Variants in MCTP1 observed in about 807,000 individuals in gnomAD.
MCTP1 encodes the protein multiple C2 and transmembrane domain-containing protein 1.
MCTP1 carries 69 observed loss-of-function variants against 120.6 expected under a neutral mutation model. That is an observed-to-expected ratio of 0.57 (90% CI 0.47 to 0.70). The LOEUF is 0.70. Among genes scored for constraint, MCTP1 ranks in the 30% least tolerant of loss-of-function variants. The pLI, the probability that MCTP1 is intolerant of heterozygous loss-of-function variation, is 0.00. For missense variants in MCTP1, 1,203 were observed against 1,248.8 expected, an observed-to-expected ratio of 0.96 and a Z score of 0.55; for synonymous variants, 529 against 493.1, an observed-to-expected ratio of 1.07 and a Z score of -0.96.
In MCTP1 at chr5:94,848,771, C is replaced by T. The variant is rs1793044826; in HGVS notation, c.2436+19562G>A. On this transcript the variant is annotated intron_variant, in intron 17 of 22. Coordinates refer to ENST00000515393, the MANE Select transcript of MCTP1 (RefSeq NM_024717.7). The stretch of plus-strand genomic sequence containing the variant: ...GCTAATTTATTGGCAATAAATAAAA[C>T]ACTTTATTTTACAATTAAATAATTT... Among the ~76,000 whole-genome samples, 4 of 151,666 alleles carry T rather than the reference C, an allele frequency of 2.6e-5. 1 individual carries two copies. In the South Asian group the frequency reaches 8.3e-4, roughly 32 times the overall value.
intron 1 of MCTP1, among the ~76,000 whole-genome samples, chr5:95,150,917 C>T (rs898918229): frequency 6.6e-5 from 10 of 151,900 alleles, no homozygotes; most frequent in East Asian, 3.9e-4. Context: ...AGTCAATAAA[C>T]GCATATGTTG....
intron 2 of MCTP1, among the ~76,000 whole-genome samples, chr5:95,016,189 T>A (rs1026723410): frequency 1.3e-5 from 2 of 152,048 alleles, no homozygotes; most frequent in South Asian, 4.1e-4. Context: ...AAACTTTTTT[T>A]AATGTTTTGT....
At chr5:94,840,136 T>C (rs1580971087) in intron 17 of MCTP1, among the ~76,000 whole-genome samples, 1 of 152,052 alleles carries the variant, frequency 6.6e-6, no homozygotes, top group East Asian at 1.9e-4. Context: ...AAAACTGGGC[T>C]GGGTTCAAAG....
In MCTP1 at chr5:94,706,668, G is replaced by A. The variant is rs747289661; in HGVS notation, c.*828C>T. The stretch of plus-strand genomic sequence containing the variant: ...TGACACCAAAAGCGATATGGATATA[G>A]TTTCCTAGTATTTTTGATAACTGTA... On this transcript the variant is annotated 3_prime_UTR_variant, in exon 23 of 23. Transcript: ENST00000515393. 9 of 151,114 alleles carry A rather than the reference G, an allele frequency of 6.0e-5. No homozygotes were observed. Among genetic ancestry groups the A allele is most frequent in the Non-Finnish European group, 1.0e-4 (7 of 67,740 alleles). The allele number at this position is 151,114 out of a possible 1,614,324, so 9.4% of individuals were successfully genotyped here. A position where few individuals can be genotyped will look rare whatever the true frequency, so the allele number is the denominator to read the frequency against.
chr5:94,895,783 G>T (rs1803834101), intron 10 of MCTP1, among the ~76,000 whole-genome samples: 1 of 152,186 alleles, frequency 6.6e-6, no homozygotes, highest in African/African-American at 2.4e-5. Flanking sequence ...TTTAGCAAGA[G>T]TGATTGCAGA....
intron 1 of MCTP1, among the ~76,000 whole-genome samples, chr5:95,181,603 TGA>T (rs111990126): frequency 2.3e-4 from 34 of 148,780 alleles, no homozygotes; most frequent in Admixed American, 4.0e-4. Context: ...ATACACAGGG[TGA>T]GAGAGAGAGA....
At chr5:95,115,297 C>G (rs538463614) in intron 1 of MCTP1, among the ~76,000 whole-genome samples, 191 of 151,980 alleles carry the variant, frequency 1.3e-3, no homozygotes, top group African/African-American at 4.3e-3. Flanking sequence ...GCACCAGGGA[C>G]CAATCCTGGA....
At chr5:94,970,950 C>T (rs745323509) in intron 2 of MCTP1, among the ~76,000 whole-genome samples, 42 of 151,316 alleles carry the variant, frequency 2.8e-4, no homozygotes, top group Non-Finnish European at 3.2e-4. Flanking sequence ...GGCTTTTCTT[C>T]GTTTTCAGCC....
chr5:94,720,291 G>A (rs1484245725), intron 19 of MCTP1, among the ~76,000 whole-genome samples: 1 of 151,842 alleles, frequency 6.6e-6, no homozygotes, highest in Non-Finnish European at 1.5e-5. Flanking sequence ...ATAATTTATA[G>A]CAATGGTTAC....
chr5:94,746,878 T>G (rs1250409087), intron 19 of MCTP1, among the ~76,000 whole-genome samples: 1 of 152,224 alleles, frequency 6.6e-6, no homozygotes, highest in African/African-American at 2.4e-5. Context: ...CGTCAGTATA[T>G]TTTGCTGTGG....
At chr5:94,977,821 A>C (rs994364724) in intron 2 of MCTP1, among the ~76,000 whole-genome samples, 1 of 152,160 alleles carries the variant, frequency 6.6e-6, no homozygotes, top group Non-Finnish European at 1.5e-5. Context: ...AATGGATTAA[A>C]AACTTAAATA....
chr5:95,176,995 G>C (rs939445241), intron 1 of MCTP1, among the ~76,000 whole-genome samples: 3 of 151,702 alleles, frequency 2.0e-5, no homozygotes, highest in African/African-American at 7.3e-5. Context: ...CTCCCGAGTA[G>C]CTGGGACTAC....
chr5:95,120,135 C>T (rs1409807368), intron 1 of MCTP1, among the ~76,000 whole-genome samples: 1 of 146,588 alleles, frequency 6.8e-6, no homozygotes, highest in Non-Finnish European at 1.5e-5. Context: ...GGAGATTGCG[C>T]CACTGCACTC....
At chr5:94,889,384 C>G (rs1471623068) in intron 11 of MCTP1, among the ~76,000 whole-genome samples, 1 of 151,962 alleles carries the variant, frequency 6.6e-6, no homozygotes, top group African/African-American at 2.4e-5. Flanking sequence ...GTCAGGAGTT[C>G]AAGACCAGCT....
intron 1 of MCTP1, among the ~76,000 whole-genome samples, chr5:95,244,938 A>G (rs111469265): frequency 6.6e-6 from 1 of 152,114 alleles, no homozygotes; most frequent in Admixed American, 6.5e-5. Context: ...CAGACACCTC[A>G]AACAGGCAGG....
At chr5:94,868,742 C>T (rs1259659794) in intron 16 of MCTP1, among the ~76,000 whole-genome samples, 2 of 151,732 alleles carry the variant, frequency 1.3e-5, no homozygotes, top group Non-Finnish European at 2.9e-5. Flanking sequence ...TTTTTTGTTA[C>T]TTACATACTA....
At chr5:94,854,117 G>A (rs1794284056) in intron 17 of MCTP1, among the ~76,000 whole-genome samples, 1 of 151,810 alleles carries the variant, frequency 6.6e-6, no homozygotes, top group South Asian at 2.1e-4. Context: ...TTCATCTGTT[G>A]CATAATGGGC....
chr5:95,167,409 T>C (rs1746558084), intron 1 of MCTP1, among the ~76,000 whole-genome samples: 1 of 152,230 alleles, frequency 6.6e-6, no homozygotes, highest in Non-Finnish European at 1.5e-5. Flanking sequence ...TTTATAATCC[T>C]TTGGGTATAT....
intron 1 of MCTP1, among the ~76,000 whole-genome samples, chr5:95,183,265 C>T (rs1307080011): frequency 6.6e-6 from 1 of 151,842 alleles, no homozygotes; most frequent in Non-Finnish European, 1.5e-5. Context: ...ACCTCAACCT[C>T]ACACCATACA....
Sources: allele counts gnomAD v4.1 joint callset (sites outside exome capture counted in the v4.1 genomes callset), GRCh38; gene constraint gnomAD v4.1.1; transcripts MANE v1.5; gene names NCBI Gene and HGNC (gene_info 2026-07-23, HGNC 2026-07-21).